The following SLA variants were observed in gnomAD, a reference collection of about 807,000 sequenced individuals.
SLA encodes src-like-adapter.
In SLA, 16 loss-of-function variants were observed where a neutral mutation model predicts 30.3. The observed-to-expected ratio is 0.53, with a 90% CI of 0.36 to 0.80. SLA has a LOEUF of 0.80. Among genes scored for constraint, SLA ranks in the 30% least tolerant of loss-of-function variants. SLA has a pLI of 0.01. For missense variants in SLA, 310 were observed against 345.2 expected (o/e 0.90, Z 0.81); for synonymous variants, 143 against 137.8 (o/e 1.04, Z -0.26).
chr8:133,063,469 G>T (rs1842666904), intron 2 of SLA: 2 of 151,392 alleles, frequency 1.3e-5, no homozygotes, highest in African/African-American at 4.9e-5. Context: ...TCAAGCATTT[G>T]CATGCTATTT....
chr8:133,094,482 C>A, intron 1 of SLA: 1 of 176,120 alleles, frequency 5.7e-6, no homozygotes, highest in Non-Finnish European at 1.2e-5. Context: ...CCTTGTGATC[C>A]GCCCACCTCA....
intron 1 of SLA, among the ~76,000 whole-genome samples, chr8:133,092,740 A>G (rs1440924463): frequency 2.0e-5 from 3 of 151,666 alleles, no homozygotes. Context: ...CTGCACAGCA[A>G]CTCCCCTCCT....
At chr8:133,041,743 G>A (rs1015922209) in intron 7 of SLA, among the ~76,000 whole-genome samples, 14 of 150,046 alleles carry the variant, frequency 9.3e-5, no homozygotes, top group African/African-American at 1.2e-4. Flanking sequence ...AGCTAGCCTC[G>A]TACCCTGGAT....
At chr8:133,059,160 G>T (rs745854995) in intron 3 of SLA, 104 of 456,218 alleles carry the variant, frequency 2.3e-4, no homozygotes, top group African/African-American at 1.9e-3. Flanking sequence ...GGGCGGTGCT[G>T]CAGGGGCTGC....
chr8:133,065,080 A>G (rs2245562), intron 2 of SLA, among the ~76,000 whole-genome samples: 121,743 of 152,208 alleles, frequency 0.8, 48,864 homozygotes, highest in Admixed American at 0.85. Context: ...CCATTCATAT[A>G]ACCTTCTTCT....
At chr8:133,095,814 A>G (rs1359827559) in intron 1 of SLA, among the ~76,000 whole-genome samples, 1 of 152,186 alleles carries the variant, frequency 6.6e-6, no homozygotes, top group Non-Finnish European at 1.5e-5. Context: ...AGCAGGTCTT[A>G]TTCTCAGCTC....
chr8:133,061,544 G>T (rs1842369632), intron 2 of SLA, among the ~76,000 whole-genome samples: 1 of 152,168 alleles, frequency 6.6e-6, no homozygotes, highest in Non-Finnish European at 1.5e-5. Flanking sequence ...AGGGTTTTAG[G>T]GAAGCCACGT....
Position 133,040,714 on chromosome 8 carries a change from C to T in SLA, c.485-584G>A, listed in dbSNP as rs181516608. Among the ~76,000 whole-genome samples, 124 of 150,070 alleles carry T rather than the reference C, an allele frequency of 8.3e-4. 1 individual carries two copies. Among genetic ancestry groups the T allele is most frequent in the African/African-American group, 2.9e-3 (117 of 40,680 alleles). On this transcript the variant is annotated intron_variant, in intron 7 of 8. Transcript: ENST00000338087. ...GGAGCAGAGGAGGAATGAAAGAGGGCGAGGAGGAAAAGCAAAAGTGAGAGG... is the reference window on the plus strand; with the variant it reads ...GGAGCAGAGGAGGAATGAAAGAGGGTGAGGAGGAAAAGCAAAAGTGAGAGG...
chr8:133,102,399 C>T, intron 1 of SLA, 154 bp downstream of exon 1: 1 of 630,782 alleles, frequency 1.6e-6, no homozygotes, highest in South Asian at 2.0e-5. Flanking sequence ...GAGCTACTCA[C>T]CACCAGCAGA....
At position 133,100,063 on chromosome 8, in the gene SLA, A is replaced by G. The variant is rs183841816; in HGVS notation, c.-319+2490T>C. 1.4e-4 allele frequency among the ~76,000 whole-genome samples: 21 copies of G among 152,250 alleles called. 1 individual carries two copies. In the East Asian group the frequency reaches 2.7e-3, roughly 20 times the overall value. Reference sequence around the variant, plus strand: ...TCTATGAACTGCCAGAGCCTATTTGATGTGACCTCTGTTAGCTCTCTGACC... The same window carrying G: ...TCTATGAACTGCCAGAGCCTATTTGGTGTGACCTCTGTTAGCTCTCTGACC... On this transcript the variant is annotated intron_variant, in intron 1 of 8. Coordinates refer to ENST00000338087, the MANE Select transcript of SLA (RefSeq NM_001045556.3).
rs1839086304 is a variant in SLA, at chr8:133,045,171, C to G, written c.353-56G>C. On this transcript the variant is annotated intron_variant, in intron 6 of 8. Transcript: ENST00000338087. ...TCCACCTGTCCTCACCCCAAGGCACCCAGCTAACCAGCCCACCACCACTGA... is the reference window on the plus strand; with the variant it reads ...TCCACCTGTCCTCACCCCAAGGCACGCAGCTAACCAGCCCACCACCACTGA... 1.9e-6 allele frequency: 3 copies of G among 1,594,882 alleles called. No individual in the cohort carries two copies. The East Asian group carries it at 6.8e-5, about 36-fold the overall frequency.
chr8:133,077,355 G>A lies in SLA; in HGVS notation c.-318-2225C>T, dbSNP rs189692630. ...GAAAGGCAGGATGCAGAGCCCTGGA[G>A]GTCAGGGCCGCAGGCTCTTCTCTGT... On this transcript the variant is annotated intron_variant, in intron 1 of 8. Transcript: ENST00000338087. Among the ~76,000 whole-genome samples, 777 of 152,308 alleles carry A rather than the reference G, an allele frequency of 5.1e-3. 7 individuals are homozygous for A. Among genetic ancestry groups the A allele is most frequent in the African/African-American group, 0.018 (748 of 41,570 alleles).
At chr8:133,083,224 C>A (rs1005464310) in intron 1 of SLA, among the ~76,000 whole-genome samples, 5 of 152,120 alleles carry the variant, frequency 3.3e-5, no homozygotes, top group Admixed American at 3.3e-4. Context: ...TACTTTATAA[C>A]CTGTAAAACA....
intron 1 of SLA, among the ~76,000 whole-genome samples, chr8:133,091,601 AG>A (rs1847541353): frequency 6.6e-6 from 1 of 150,956 alleles, no homozygotes; most frequent in Non-Finnish European, 1.5e-5. Flanking sequence ...TGAGTGTGTG[AG>A]TCTATCTGTA....
intron 1 of SLA, among the ~76,000 whole-genome samples, chr8:133,093,104 AGT>A (rs150326755): frequency 4.8e-5 from 7 of 144,644 alleles, no homozygotes; most frequent in Admixed American, 6.7e-5. Flanking sequence ...GAATATTTTG[AGT>A]GTGTGTGTGT....
intron 3 of SLA, 120 bp downstream of exon 3, chr8:133,059,980 A>G: frequency 3.0e-6 from 3 of 984,248 alleles, no homozygotes; most frequent in South Asian, 1.9e-5. Flanking sequence ...GACAGATATA[A>G]TGAGCCCTTC....
At chr8:133,061,644 C>T (rs1842381293) in intron 2 of SLA, among the ~76,000 whole-genome samples, 1 of 152,180 alleles carries the variant, frequency 6.6e-6, no homozygotes, top group South Asian at 2.1e-4. Flanking sequence ...AGAGACGGAA[C>T]AGGGTCCCCC....
At chr8:133,082,372 G>A (rs1845884750) in intron 1 of SLA, among the ~76,000 whole-genome samples, 1 of 152,216 alleles carries the variant, frequency 6.6e-6, no homozygotes, top group Non-Finnish European at 1.5e-5. Context: ...GGGACGGAGG[G>A]CAGGAGAGAC....
At chr8:133,068,357 A>G (rs1382078407) in intron 2 of SLA, among the ~76,000 whole-genome samples, 1 of 152,220 alleles carries the variant, frequency 6.6e-6, no homozygotes, top group Non-Finnish European at 1.5e-5. Flanking sequence ...CTCTCAGGCT[A>G]ACAGAGAGGC....
Sources: gnomAD v4.1 joint callset for allele counts (sites outside exome capture counted in the v4.1 genomes callset) on GRCh38, gnomAD v4.1.1 for gene constraint, MANE v1.5 for transcripts, NCBI Gene and HGNC (gene_info 2026-07-23, HGNC 2026-07-21) for gene names.